Variants in KCND2 observed in about 807,000 individuals in gnomAD.
KCND2 encodes the protein A-type voltage-gated potassium channel KCND2.
In KCND2, 16 loss-of-function variants were observed where a neutral mutation model predicts 54.4. The ratio of observed to expected loss-of-function variants is 0.29; its 90% CI spans 0.20 to 0.45. The LOEUF is 0.45. KCND2 is among the 20% of genes least tolerant of loss of function. The pLI, the probability that KCND2 is intolerant of heterozygous loss-of-function variation, is 1.00. For synonymous variants in KCND2, 317 were observed against 310.7 expected (o/e 1.02, Z -0.21); for missense variants, 486 against 824.2 (o/e 0.59, Z 5.02).
chr7:120,726,388 A>C (rs560801735), intron 1 of KCND2, among the ~76,000 whole-genome samples: 2 of 152,260 alleles, frequency 1.3e-5, no homozygotes, highest in South Asian at 4.2e-4. Context: ...TCATCCATCA[A>C]ACTGTGATCC....
chr7:120,504,377 T>C (rs1314464704), intron 1 of KCND2, among the ~76,000 whole-genome samples: 1 of 151,994 alleles, frequency 6.6e-6, no homozygotes, highest in Non-Finnish European at 1.5e-5. Context: ...TTCATTATTA[T>C]TTTACATAAA....
intron 1 of KCND2, among the ~76,000 whole-genome samples, chr7:120,562,443 C>T (rs1226529987): frequency 6.6e-6 from 1 of 152,082 alleles, no homozygotes; most frequent in Non-Finnish European, 1.5e-5. Context: ...GAGTAAAAAG[C>T]TATTCTGTGG....
chr7:120,728,435 G>A (rs1792763865), intron 1 of KCND2, among the ~76,000 whole-genome samples: 1 of 151,738 alleles, frequency 6.6e-6, no homozygotes, highest in African/African-American at 2.4e-5. Flanking sequence ...GAGACTGCAG[G>A]CATGTGCCAC....
intron 1 of KCND2, among the ~76,000 whole-genome samples, chr7:120,706,644 G>C (rs1187508782): frequency 6.6e-6 from 1 of 152,130 alleles, no homozygotes; most frequent in Admixed American, 6.6e-5. Context: ...AAGATAGCAG[G>C]TATGAATACA....
chr7:120,679,223 T>TA (rs760561418), intron 1 of KCND2, among the ~76,000 whole-genome samples: 89 of 152,016 alleles, frequency 5.9e-4, no homozygotes, highest in Non-Finnish European at 1.2e-3. Context: ...ATCTTTTTTT[T>TA]ATACTAAAGG....
At chr7:120,321,116 T>G (rs1295842230) in intron 1 of KCND2, among the ~76,000 whole-genome samples, 1 of 152,148 alleles carries the variant, frequency 6.6e-6, no homozygotes, top group Non-Finnish European at 1.5e-5. Context: ...TTTTTGTAGA[T>G]TTTTGCTATG....
At chr7:120,617,966 A>T (rs928081608) in intron 1 of KCND2, among the ~76,000 whole-genome samples, 2 of 152,138 alleles carry the variant, frequency 1.3e-5, no homozygotes, top group Admixed American at 1.3e-4. Context: ...CACTGAGTAC[A>T]CGTAAATACA....
At chr7:120,626,617 C>A (rs1008313332) in intron 1 of KCND2, among the ~76,000 whole-genome samples, 8 of 152,102 alleles carry the variant, frequency 5.3e-5, no homozygotes, top group Non-Finnish European at 7.4e-5. Flanking sequence ...TGGCACTAAT[C>A]TCTTCTGGAA....
intron 1 of KCND2, among the ~76,000 whole-genome samples, chr7:120,446,747 T>A (rs1185217574): frequency 6.6e-6 from 1 of 152,192 alleles, no homozygotes; most frequent in Non-Finnish European, 1.5e-5. Flanking sequence ...CAAGTTTCTC[T>A]TGTTATAGGG....
At chr7:120,414,086 C>A (rs1280014681) in intron 1 of KCND2, among the ~76,000 whole-genome samples, 1 of 151,720 alleles carries the variant, frequency 6.6e-6, no homozygotes, top group African/African-American at 2.4e-5. Context: ...ACAAATAAAA[C>A]CTTCTACTCA....
At chr7:120,336,382 G>A (rs943015328) in intron 1 of KCND2, among the ~76,000 whole-genome samples, 2 of 152,074 alleles carry the variant, frequency 1.3e-5, no homozygotes, top group African/African-American at 4.8e-5. Flanking sequence ...ATATGTTTTA[G>A]AGTGGGCTTT....
At chr7:120,649,941 G>T (rs560296538) in intron 1 of KCND2, among the ~76,000 whole-genome samples, 1 of 152,042 alleles carries the variant, frequency 6.6e-6, no homozygotes, top group Non-Finnish European at 1.5e-5. Flanking sequence ...TTGAATATTG[G>T]CCCCCACTCT....
At position 120,432,525 on chromosome 7, in the gene KCND2, C is replaced by T. The variant is rs1016034923; in HGVS notation, c.1115+156778C>T. Among the ~76,000 whole-genome samples the T allele has an allele frequency of 3.3e-5, 5 of 151,738 alleles. No individual in the cohort carries two copies. In the East Asian group the frequency reaches 5.8e-4, roughly 18 times the overall value. ...CGCACACACACACACACACACACAC[C>T]CCTCATTTTCTGAACGTAACTTAAA... On this transcript the variant is annotated intron_variant, in intron 1 of 5. Transcript: ENST00000331113.
intron 1 of KCND2, among the ~76,000 whole-genome samples, chr7:120,621,638 A>T (rs1363989462): frequency 2.6e-5 from 4 of 152,228 alleles, no homozygotes; most frequent in Non-Finnish European, 5.9e-5. Context: ...ATGATATTAA[A>T]TATCTGATTT....
intron 1 of KCND2, among the ~76,000 whole-genome samples, chr7:120,566,253 A>G (rs185601668): frequency 3.9e-5 from 6 of 152,330 alleles, no homozygotes; most frequent in Admixed American, 3.9e-4. Context: ...ATTATTCTAA[A>G]TTGCTTTAGG....
intron 1 of KCND2, among the ~76,000 whole-genome samples, chr7:120,298,983 ACC>A (rs908941478): frequency 1.3e-5 from 2 of 152,150 alleles, no homozygotes; most frequent in African/African-American, 4.8e-5. Context: ...CATGGGTGAA[ACC>A]CCGTCTCTAC....
At chr7:120,728,159 AAAAAG>A (rs975378069) in intron 1 of KCND2, among the ~76,000 whole-genome samples, 31 of 151,266 alleles carry the variant, frequency 2.0e-4, no homozygotes, top group African/African-American at 6.8e-4. Context: ...GAAAGAAAGA[AAAAAG>A]AAAAGAAAAG....
intron 1 of KCND2, among the ~76,000 whole-genome samples, chr7:120,664,288 C>T (rs956402278): frequency 2.0e-5 from 3 of 152,080 alleles, no homozygotes; most frequent in African/African-American, 7.2e-5. Context: ...GGCCAAATTA[C>T]TTTATAAACC....
chr7:120,334,725 T>A (rs1800119657), intron 1 of KCND2, among the ~76,000 whole-genome samples: 1 of 152,184 alleles, frequency 6.6e-6, no homozygotes, highest in African/African-American at 2.4e-5. Context: ...CTTAACATTC[T>A]AGTAGGGTTA....
Sources: allele counts gnomAD v4.1 joint callset (sites outside exome capture counted in the v4.1 genomes callset), GRCh38; gene constraint gnomAD v4.1.1; transcripts MANE v1.5; gene names NCBI Gene and HGNC (gene_info 2026-07-23, HGNC 2026-07-21).